The following YWHAQ variants were observed in gnomAD, a reference collection of about 807,000 sequenced individuals.
YWHAQ encodes the protein tyrosine 3-monooxygenase/tryptophan 5-monooxygenase activation protein theta, also known as 14-3-3 protein theta.
In YWHAQ, 6 loss-of-function variants were observed where a neutral mutation model predicts 28.3. The ratio of observed to expected loss-of-function variants is 0.21; its 90% CI spans 0.12 to 0.42. The LOEUF (loss-of-function observed/expected upper bound fraction) is 0.42, where lower values mean the gene tolerates loss of function less well. Among genes scored for constraint, YWHAQ ranks in the 10% least tolerant of loss-of-function variants. The pLI, the probability that YWHAQ is intolerant of heterozygous loss-of-function variation, is 1.00. For synonymous variants in YWHAQ, 143 were observed against 119.1 expected (o/e 1.20, Z -1.31); for missense variants, 201 against 305.6 (o/e 0.66, Z 2.55).
intron 2 of YWHAQ, among the ~76,000 whole-genome samples, chr2:9,613,433 T>C (rs1666987545): frequency 6.6e-6 from 1 of 152,164 alleles, no homozygotes; most frequent in African/African-American, 2.4e-5. Flanking sequence ...TGTGCCACTG[T>C]AGTTATAGTG....
chr2:9,587,737 G>A (rs1171248572), intron 4 of YWHAQ, among the ~76,000 whole-genome samples: 1 of 152,176 alleles, frequency 6.6e-6, no homozygotes, highest in South Asian at 2.1e-4. Flanking sequence ...TCTTTCACAG[G>A]ACAACGGAAC....
chr2:9,593,909 T>A (rs202241976), intron 2 of YWHAQ, among the ~76,000 whole-genome samples: 2,566 of 108,410 alleles, frequency 0.024, 36 homozygotes, highest in African/African-American at 0.045. Context: ...AAAAAAAATA[T>A]ATATATATAT....
At chr2:9,627,796 T>G (rs926623733) in intron 2 of YWHAQ, among the ~76,000 whole-genome samples, 5 of 152,192 alleles carry the variant, frequency 3.3e-5, no homozygotes, top group African/African-American at 1.2e-4. Context: ...ACTCTGCACA[T>G]GAACTCTGCT....
chr2:9,609,429 G>A (rs976418979), intron 2 of YWHAQ, among the ~76,000 whole-genome samples: 2 of 152,010 alleles, frequency 1.3e-5, no homozygotes, highest in African/African-American at 2.4e-5. Context: ...TATAAGATGC[G>A]AATAGAAAGA....
intron 2 of YWHAQ, among the ~76,000 whole-genome samples, chr2:9,596,105 T>A (rs1348617520): frequency 6.6e-6 from 1 of 152,058 alleles, no homozygotes. Flanking sequence ...AAAAATAGGA[T>A]GGGAACAATA....
chr2:9,596,139 G>T (rs560508522), intron 2 of YWHAQ, among the ~76,000 whole-genome samples: 4 of 152,126 alleles, frequency 2.6e-5, no homozygotes, highest in South Asian at 4.2e-4. Context: ...AAGCTATAAA[G>T]AATAATATAA....
chr2:9,614,619 G>A (rs191976417), intron 2 of YWHAQ, among the ~76,000 whole-genome samples: 43 of 152,228 alleles, frequency 2.8e-4, no homozygotes, highest in Non-Finnish European at 5.0e-4. Flanking sequence ...GTATATATGG[G>A]TCAAGTTTTG....
intron 2 of YWHAQ, among the ~76,000 whole-genome samples, chr2:9,612,797 T>C (rs1666975083): frequency 6.6e-6 from 1 of 152,182 alleles, no homozygotes; most frequent in East Asian, 1.9e-4. Context: ...AGTACAGTCT[T>C]TCAACAGTAA....
chr2:9,605,832 G>A (rs577086755), intron 2 of YWHAQ, among the ~76,000 whole-genome samples: 2 of 151,862 alleles, frequency 1.3e-5, no homozygotes, highest in Non-Finnish European at 2.9e-5. Context: ...AAAATGCTGC[G>A]ATTACAGGCT....
At chr2:9,590,720 T>TAA (rs1056912665) in intron 3 of YWHAQ, among the ~76,000 whole-genome samples, 1 of 148,114 alleles carries the variant, frequency 6.8e-6, no homozygotes, top group African/African-American at 2.5e-5. Context: ...TAGTCTAGGT[T>TAA]AAAAAAAAAA....
chr2:9,606,495 CT>C lies in YWHAQ; in HGVS notation c.295-14981del, dbSNP rs145290316. 7.7e-3 allele frequency among the ~76,000 whole-genome samples: 1,171 copies of C among 152,226 alleles called. 16 individuals are homozygous for C. The highest frequency in any genetic ancestry group is 0.027 in the African/African-American group (1,107 of 41,526). On this transcript the variant is annotated intron_variant, in intron 2 of 5. Coordinates refer to ENST00000238081, the MANE Select transcript of YWHAQ (RefSeq NM_006826.4). ...TACTACAGTTTTATTAGCATTTTTC[CT>C]TATCATAAATGCAGGTGAACATCTG...
chr2:9,607,459 G>A (rs1292316449), intron 2 of YWHAQ, among the ~76,000 whole-genome samples: 1 of 150,666 alleles, frequency 6.6e-6, no homozygotes, highest in East Asian at 1.9e-4. Flanking sequence ...CACCCCCCTC[G>A]GCTTCCCAAA....
chr2:9,599,022 C>T (rs1223652415), intron 2 of YWHAQ, among the ~76,000 whole-genome samples: 1 of 152,128 alleles, frequency 6.6e-6, no homozygotes, highest in Non-Finnish European at 1.5e-5. Context: ...AAAAGTGCTA[C>T]CCCAGTGAAC....
Position 9,630,716 on chromosome 2 carries a change from C to T in YWHAQ, c.-82-182G>A. ...GGCCCGCGGCTGGAGGAGGCGGGGG[C>T]GGCGCGGAGGCCCCGCGCGCAGGGA... On this transcript the variant is annotated intron_variant, in intron 1 of 5. Transcript: ENST00000238081. This position sits in a 1 kb window ranked among gnomAD's most constrained non-coding sequence, Gnocchi z 5.6. 5.3e-6 allele frequency: 1 copy of T among 188,100 alleles called. No individual in the cohort carries two copies. The highest frequency in any genetic ancestry group is 1.1e-5 in the Non-Finnish European group (1 of 93,156). The allele number at this position is 188,100 out of a possible 1,614,324, so 11.7% of individuals were successfully genotyped here.
chr2:9,629,951 G>GA (rs1043744634), intron 2 of YWHAQ, among the ~76,000 whole-genome samples: 4 of 151,514 alleles, frequency 2.6e-5, no homozygotes, highest in South Asian at 2.1e-4. Context: ...CATCTGGGGC[G>GA]AAAAAAAAGG....
intron 2 of YWHAQ, among the ~76,000 whole-genome samples, chr2:9,606,654 T>C (rs7596076): frequency 0.043 from 6,483 of 151,466 alleles, 385 homozygotes; most frequent in African/African-American, 0.13. Flanking sequence ...CTCAGCCTCC[T>C]GAGTAGCTGG....
intron 2 of YWHAQ, among the ~76,000 whole-genome samples, chr2:9,607,292 C>T (rs1001830201): frequency 1.3e-5 from 2 of 150,904 alleles, no homozygotes; most frequent in African/African-American, 4.9e-5. Flanking sequence ...CGTCCACCTC[C>T]CAGGTTCAAG....
In YWHAQ at chr2:9,602,015, C is replaced by T. The variant is rs149203254; in HGVS notation, c.295-10500G>A. Reference sequence around the variant, plus strand: ...AATGAACAGATACTAATTCAGACAACGAACCATAATATTAACCTCAGTAAT... The same window carrying T: ...AATGAACAGATACTAATTCAGACAATGAACCATAATATTAACCTCAGTAAT... On this transcript the variant is annotated intron_variant, in intron 2 of 5. Transcript: ENST00000238081. Among the ~76,000 whole-genome samples, 303 of 152,236 alleles carry T rather than the reference C, an allele frequency of 2.0e-3. 2 individuals are homozygous for T. The highest frequency in any genetic ancestry group is 7.0e-3 in the African/African-American group (291 of 41,530).
chr2:9,605,689 T>C (rs768876343), intron 2 of YWHAQ, among the ~76,000 whole-genome samples: 2 of 151,878 alleles, frequency 1.3e-5, no homozygotes, highest in Non-Finnish European at 2.9e-5. Flanking sequence ...GCCTCCCCAG[T>C]AGCTGGGACT....
Sources: allele counts gnomAD v4.1 joint callset (sites outside exome capture counted in the v4.1 genomes callset), GRCh38; gene constraint gnomAD v4.1.1; non-coding constraint Gnocchi (gnomAD v3.1); transcripts MANE v1.5; gene names NCBI Gene and HGNC (gene_info 2026-07-23, HGNC 2026-07-21).